The following UIMC1 variants were observed in gnomAD, a reference collection of about 807,000 sequenced individuals.
The protein encoded by UIMC1 is ubiquitin interaction motif containing 1.
Under a neutral mutation model 84.9 loss-of-function variants are expected in UIMC1, and 42 were observed. The ratio of observed to expected loss-of-function variants is 0.49; its 90% confidence interval spans 0.39 to 0.64. The LOEUF is 0.64. Among genes scored for constraint, UIMC1 ranks in the 30% least tolerant of loss-of-function variants. The probability of loss-of-function intolerance (pLI) is 0.00; values close to 1 mark genes in which losing one functional copy is unlikely to be tolerated. For missense variants in UIMC1, 825 were observed against 847.6 expected (o/e 0.97, Z 0.33); for synonymous variants, 281 against 293.0 (o/e 0.96, Z 0.42).
intron 10 of UIMC1, among the ~76,000 whole-genome samples, chr5:176,934,124 G>C (rs917056366): frequency 1.3e-5 from 2 of 151,908 alleles, no homozygotes. Flanking sequence ...GGTCTTTTAG[G>C]CCCCTCCTCC....
chr5:176,977,199 G>A (rs1337633034), intron 2 of UIMC1, among the ~76,000 whole-genome samples: 1 of 149,294 alleles, frequency 6.7e-6, no homozygotes, highest in African/African-American at 2.5e-5. Flanking sequence ...CTACAGCCTG[G>A]GGCAAGAGAG....
At chr5:176,956,917 C>G (rs542353116) in intron 7 of UIMC1, among the ~76,000 whole-genome samples, 18 of 152,090 alleles carry the variant, frequency 1.2e-4, no homozygotes, top group African/African-American at 3.1e-4. Flanking sequence ...CCCAGCCAGA[C>G]AGTTTACTCT....
intron 10 of UIMC1, among the ~76,000 whole-genome samples, chr5:176,912,256 A>G (rs964122467): frequency 6.6e-6 from 1 of 152,144 alleles, no homozygotes; most frequent in African/African-American, 2.4e-5. Context: ...TGTCACAACT[A>G]CTCAACTCTG....
chr5:176,906,098 T>C (rs765242989), intron 13 of UIMC1, 51 bp from the exon 14 acceptor site: 32 of 1,568,774 alleles, frequency 2.0e-5, no homozygotes, highest in Middle Eastern at 1.7e-4. Flanking sequence ...TTGGTAATCA[T>C]AGCACTTCTC....
chr5:176,992,522 T>A (rs1773029825), intron 1 of UIMC1, among the ~76,000 whole-genome samples: 1 of 151,130 alleles, frequency 6.6e-6, no homozygotes, highest in Non-Finnish European at 1.5e-5. Context: ...AGAAATTTTT[T>A]AAATTGATAA....
intron 1 of UIMC1, among the ~76,000 whole-genome samples, chr5:176,986,293 G>A (rs1315287387): frequency 7.3e-6 from 1 of 137,904 alleles, no homozygotes; most frequent in Non-Finnish European, 1.5e-5. Context: ...TCAGGAGGTG[G>A]AGATTGCAGT....
At chr5:176,905,970 G>C (rs748413758) in intron 14 of UIMC1, 41 bp downstream of exon 14, 6 of 1,613,126 alleles carry the variant, frequency 3.7e-6, no homozygotes, top group Middle Eastern at 1.7e-4. Flanking sequence ...GCACTTTTCA[G>C]AAATGCTGAC....
At chr5:176,924,958 G>A (rs1762197529) in intron 10 of UIMC1, among the ~76,000 whole-genome samples, 1 of 150,534 alleles carries the variant, frequency 6.6e-6, no homozygotes, top group South Asian at 2.1e-4. Flanking sequence ...TTGAACCTGA[G>A]AGGCAGAGGC....
chr5:176,923,457 C>T (rs1024941355), intron 10 of UIMC1, among the ~76,000 whole-genome samples: 1 of 151,332 alleles, frequency 6.6e-6, no homozygotes, highest in Middle Eastern at 3.2e-3. Context: ...GGCTGAGGTA[C>T]AAGAATCCCT....
chr5:176,974,469 C>T lies in UIMC1; in HGVS notation c.232+927G>A, dbSNP rs117937132. On this transcript the variant is annotated intron_variant, in intron 3 of 14. Coordinates refer to ENST00000511320, the MANE Select transcript of UIMC1 (RefSeq NM_001199298.2). ...AGAAAATAGGTGGAAATCTTCATAA[C>T]CTTAGCGTAGTCAAAGATTTCTTAG... Among the ~76,000 whole-genome samples, 35 of 152,180 alleles carry T rather than the reference C, an allele frequency of 2.3e-4. No individual in the cohort carries two copies. In the East Asian group the frequency reaches 6.4e-3, roughly 28 times the overall value.
chr5:176,986,911 TAAGAA>T (rs1409731407), intron 1 of UIMC1, among the ~76,000 whole-genome samples: 1 of 151,982 alleles, frequency 6.6e-6, no homozygotes, highest in African/African-American at 2.4e-5. Context: ...AAAAAAACAC[TAAGAA>T]ACACATTAAA....
chr5:176,945,688 T>C (rs989769221), intron 9 of UIMC1, among the ~76,000 whole-genome samples: 2 of 152,212 alleles, frequency 1.3e-5, no homozygotes, highest in Admixed American at 6.5e-5. Context: ...ATGGATAAGA[T>C]AGGGCTATAA....
chr5:176,941,980 A>G (rs546169168), intron 10 of UIMC1, among the ~76,000 whole-genome samples: 1 of 152,090 alleles, frequency 6.6e-6, no homozygotes, highest in East Asian at 1.9e-4. Flanking sequence ...AGTAGCTGGG[A>G]TTACAGGAGC....
intron 2 of UIMC1, among the ~76,000 whole-genome samples, chr5:176,977,246 G>C (rs1299977594): frequency 6.8e-6 from 1 of 147,014 alleles, no homozygotes; most frequent in African/African-American, 2.5e-5. Context: ...AAAAAAGAGA[G>C]AGAGAGAAAT....
intron 1 of UIMC1, chr5:177,001,326 T>C (rs1382044404): frequency 6.6e-6 from 1 of 152,200 alleles, no homozygotes; most frequent in African/African-American, 2.4e-5. Flanking sequence ...TGCAGGTGTG[T>C]GGATAGACTT....
rs534487008 is a variant in UIMC1 at position 176,969,447 on chromosome 5, C to T, written c.463+154G>A. On this transcript the variant is annotated intron_variant, in intron 5 of 14. Transcript: ENST00000511320. ...GTTTTTCCTTGGAGATAAAAGTATG[C>T]CGGATATTCTTATGATCTCAACTAC... is the stretch of plus-strand genomic sequence containing the variant. 5.7e-4 allele frequency: 721 copies of T among 1,260,868 alleles called. 5 individuals are homozygous for T. The highest frequency in any genetic ancestry group is 2.9e-4 in the Non-Finnish European group (262 of 914,222). The allele number at this position is 1,260,868 out of a possible 1,614,324, so 78.1% of individuals were successfully genotyped here.
chr5:176,912,138 G>A (rs1477630850), intron 10 of UIMC1, among the ~76,000 whole-genome samples: 3 of 152,202 alleles, frequency 2.0e-5, no homozygotes, highest in Non-Finnish European at 4.4e-5. Flanking sequence ...ATTTAGCAGG[G>A]TTACGAGTAA....
chr5:177,022,585 T>TAGCAAAGCAAA (rs1467190602), exon 1 of UIMC1: 1 of 763,968 alleles, frequency 1.3e-6, no homozygotes, highest in East Asian at 3.2e-5. Context: ...GTACCAGAGG[T>TAGCAAAGCAAA]AGCAAAGCAA....
intron 10 of UIMC1, among the ~76,000 whole-genome samples, chr5:176,917,385 A>C (rs1468612090): frequency 6.6e-6 from 1 of 152,174 alleles, no homozygotes. Context: ...CAGCCTGGCC[A>C]ACACGACAAA....
Sources: gnomAD v4.1 joint callset for allele counts (sites outside exome capture counted in the v4.1 genomes callset) on GRCh38, gnomAD v4.1.1 for gene constraint, MANE v1.5 for transcripts, NCBI Gene and HGNC (gene_info 2026-07-23, HGNC 2026-07-21) for gene names.